STOM: variants seen among roughly 807,000 people sequenced by gnomAD.
STOM encodes the protein erythrocyte band 7 integral membrane protein.
Under a neutral mutation model 30.6 loss-of-function variants are expected in STOM, and 25 were observed. The ratio of observed to expected loss-of-function variants is 0.82; its 90% CI spans 0.60 to 1.14. STOM has a LOEUF of 1.14. STOM is among the 50% of genes most tolerant of loss of function. The pLI, the probability that STOM is intolerant of heterozygous loss-of-function variation, is 0.00. For missense variants in STOM, 292 were observed against 365.2 expected (o/e 0.80, Z 1.63); for synonymous variants, 118 against 130.8 (o/e 0.90, Z 0.67).
intron 2 of STOM, 120 bp downstream of exon 2, chr9:121,355,923 GATGAAGAAAT>G (rs1160321888): frequency 1.6e-6 from 1 of 615,816 alleles, no homozygotes; most frequent in Non-Finnish European, 2.6e-6. Flanking sequence ...TCCAAAGAAA[GATGAAGAAAT>G]AAGAATTATA....
intron 1 of STOM, among the ~76,000 whole-genome samples, chr9:121,360,963 T>C (rs1170058331): frequency 6.6e-6 from 1 of 152,228 alleles, no homozygotes; most frequent in Non-Finnish European, 1.5e-5. Flanking sequence ...CTTTCATATT[T>C]TTCTAATGAC....
chr9:121,356,596 G>C (rs2064392612), intron 1 of STOM, among the ~76,000 whole-genome samples: 1 of 152,206 alleles, frequency 6.6e-6, no homozygotes, highest in African/African-American at 2.4e-5. Context: ...CACGCAGTTA[G>C]GATGGAGGTG....
At chr9:121,366,688 T>TA (rs1259304398) in intron 1 of STOM, among the ~76,000 whole-genome samples, 1 of 152,200 alleles carries the variant, frequency 6.6e-6, no homozygotes, top group Non-Finnish European at 1.5e-5. Flanking sequence ...GGGGGATTTT[T>TA]ATCTCCCTGC....
At chr9:121,368,256 G>C (rs1441003447) in intron 1 of STOM, among the ~76,000 whole-genome samples, 2 of 152,030 alleles carry the variant, frequency 1.3e-5, no homozygotes, top group African/African-American at 4.8e-5. Flanking sequence ...GTTAAGTGTA[G>C]AACCAAGGAA....
intron 3 of STOM, 81 bp downstream of exon 3, chr9:121,354,520 T>TA (rs2064367519): frequency 1.7e-6 from 2 of 1,208,010 alleles, no homozygotes; most frequent in Non-Finnish European, 2.3e-6. Flanking sequence ...ACCCTGTCTT[T>TA]AAAAAAACAA....
chr9:121,351,038 G>A (rs1589290771), intron 4 of STOM, among the ~76,000 whole-genome samples: 1 of 152,156 alleles, frequency 6.6e-6, no homozygotes, highest in Non-Finnish European at 1.5e-5. Flanking sequence ...TCTGCCTACT[G>A]TTTATCATCG....
chr9:121,359,694 CT>C (rs1478173758), intron 1 of STOM, among the ~76,000 whole-genome samples: 1 of 152,128 alleles, frequency 6.6e-6, no homozygotes, highest in Non-Finnish European at 1.5e-5. Flanking sequence ...CAACATTTAA[CT>C]TTCCCAAAGT....
At chr9:121,363,909 A>C (rs2064478681) in intron 1 of STOM, among the ~76,000 whole-genome samples, 1 of 152,242 alleles carries the variant, frequency 6.6e-6, no homozygotes, top group Non-Finnish European at 1.5e-5. Context: ...CCTGATAAAC[A>C]AAAACTCCTG....
At chr9:121,362,852 T>C (rs185547493) in intron 1 of STOM, among the ~76,000 whole-genome samples, 1 of 152,330 alleles carries the variant, frequency 6.6e-6, no homozygotes, top group Admixed American at 6.5e-5. Context: ...TAATTTTTGT[T>C]GGGTAAGTTT....
intron 1 of STOM, among the ~76,000 whole-genome samples, chr9:121,362,203 T>G (rs147327287): frequency 1.2e-3 from 180 of 152,304 alleles, no homozygotes; most frequent in African/African-American, 4.1e-3. Context: ...CTTTTTTACT[T>G]TAAAAGCAAA....
At chr9:121,361,807 G>C (rs12553486) in intron 1 of STOM, among the ~76,000 whole-genome samples, 1 of 152,148 alleles carries the variant, frequency 6.6e-6, no homozygotes, top group Non-Finnish European at 1.5e-5. Flanking sequence ...TTGGCACCAG[G>C]GACCAGTTTC....
chr9:121,343,176 GA>G (rs1194013241), intron 6 of STOM, among the ~76,000 whole-genome samples: 2 of 152,186 alleles, frequency 1.3e-5, no homozygotes, highest in African/African-American at 4.8e-5. Flanking sequence ...CATAATCCTA[GA>G]AGAAGGAAAG....
intron 5 of STOM, 96 bp downstream of exon 5, chr9:121,349,024 C>T: frequency 7.1e-7 from 1 of 1,403,924 alleles, no homozygotes. Context: ...TCACAGACCC[C>T]CACAACTTGA....
At chr9:121,369,992 A>C (rs989638875) in intron 1 of STOM, 135 bp downstream of exon 1, 12 of 782,234 alleles carry the variant, frequency 1.5e-5, no homozygotes, top group Admixed American at 1.3e-4. Context: ...TTTACTAGGG[A>C]GGAGCCGCGG....
At chr9:121,364,574 T>C (rs1231155751) in intron 1 of STOM, among the ~76,000 whole-genome samples, 1 of 152,194 alleles carries the variant, frequency 6.6e-6, no homozygotes, top group East Asian at 1.9e-4. Context: ...GGAAAACAAA[T>C]GGACTAATAC....
chr9:121,369,114 G>C (rs2064535475), intron 1 of STOM, among the ~76,000 whole-genome samples: 1 of 152,122 alleles, frequency 6.6e-6, no homozygotes, highest in Admixed American at 6.5e-5. Flanking sequence ...TGATGCTCCT[G>C]GGAAGGAACT....
intron 6 of STOM, among the ~76,000 whole-genome samples, chr9:121,341,799 T>C (rs887673713): frequency 6.6e-6 from 1 of 152,182 alleles, no homozygotes; most frequent in South Asian, 2.1e-4. Context: ...AGCTGACAGG[T>C]CATTATAAAT....
chr9:121,355,978 A>G (rs925772809), intron 2 of STOM, 75 bp downstream of exon 2: 1 of 1,038,704 alleles, frequency 9.6e-7, no homozygotes, highest in Non-Finnish European at 1.4e-6. Flanking sequence ...TCTCACATAC[A>G]CACAGGCACA....
At chr9:121,342,975 A>G (rs1308153172) in intron 6 of STOM, among the ~76,000 whole-genome samples, 1 of 152,196 alleles carries the variant, frequency 6.6e-6, no homozygotes, top group East Asian at 1.9e-4. Flanking sequence ...AACATCCTGA[A>G]CCTCAGTTTC....
Sources: gnomAD v4.1 joint callset for allele counts (sites outside exome capture counted in the v4.1 genomes callset) on GRCh38, gnomAD v4.1.1 for gene constraint, MANE v1.5 for transcripts, NCBI Gene and HGNC (gene_info 2026-07-23, HGNC 2026-07-21) for gene names.